CFAP44: variants seen among roughly 807,000 people sequenced by gnomAD.
CFAP44 encodes the protein cilia- and flagella-associated protein 44.
A neutral mutation model predicts 216.2 loss-of-function variants in CFAP44; 134 were observed. The ratio of observed to expected loss-of-function variants is 0.62; its 90% CI spans 0.54 to 0.72. CFAP44 has a LOEUF of 0.72. Among genes scored for constraint, CFAP44 ranks in the 30% least tolerant of loss-of-function variants. CFAP44 has a pLI of 0.00. For synonymous variants in CFAP44, 700 were observed against 727.6 expected, an observed-to-expected ratio of 0.96 and a Z score of 0.61; for missense variants, 2,035 against 2,182.1, an observed-to-expected ratio of 0.93 and a Z score of 1.34.
At chr3:113,316,070 C>A (rs1468657858) in intron 28 of CFAP44, among the ~76,000 whole-genome samples, 1 of 152,110 alleles carries the variant, frequency 6.6e-6, no homozygotes, top group Non-Finnish European at 1.5e-5. Flanking sequence ...TCAACAATTA[C>A]AAAAGAATTG....
At chr3:113,349,862 C>G (rs547218293) in intron 22 of CFAP44, among the ~76,000 whole-genome samples, 2 of 152,158 alleles carry the variant, frequency 1.3e-5, no homozygotes, top group East Asian at 3.8e-4. Context: ...TGTTACCATC[C>G]GAGGAATCCT....
chr3:113,420,595 G>A lies in CFAP44; in HGVS notation c.408-416C>T, dbSNP rs55757335. 2.0e-5 allele frequency among the ~76,000 whole-genome samples: 3 copies of A among 152,128 alleles called. No individual in the cohort carries two copies. The South Asian group carries it at 6.2e-4, about 32-fold the overall frequency. On this transcript the variant is annotated intron_variant, in intron 4 of 34. Coordinates refer to ENST00000393845, the MANE Select transcript of CFAP44 (RefSeq NM_001164496.2). ...TCTCCCACTAAAACTAAATCATACT[G>A]TATAACATGGGAGAAAGTCTGTATC...
chr3:113,332,329 T>C (rs1950247460), intron 25 of CFAP44, among the ~76,000 whole-genome samples: 1 of 152,216 alleles, frequency 6.6e-6, no homozygotes, highest in African/African-American at 2.4e-5. Context: ...TTATGAGTTA[T>C]GAAAATGGAT....
At position 113,330,269 on chromosome 3, in the gene CFAP44, A is replaced by T. The variant is rs996061648; in HGVS notation, c.4015T>A (p.Cys1339Ser). 1.3e-6 allele frequency: 2 copies of T among 1,537,070 alleles called. No individual in the cohort carries two copies. Among genetic ancestry groups the T allele is most frequent in the Non-Finnish European group, 1.7e-6 (2 of 1,146,906 alleles). Residue 1339 changes from cysteine to serine, a missense_variant, in exon 26 of 35, where the codon TGT (cysteine) becomes AGT (serine). Transcript: ENST00000393845. ...ASTFSLDIPK[C>S]LEFEKAEPTD... ...GGCTCTGCTTTTTCAAATTCCAAAC[A>T]CTTTGGTATATCTAGGCTGAATGTT... is the stretch of plus-strand genomic sequence containing the variant.
intron 21 of CFAP44, chr3:113,362,736 G>A: frequency 3.0e-6 from 1 of 338,806 alleles, no homozygotes; most frequent in Non-Finnish European, 5.2e-6. Context: ...TGCAGCAAAA[G>A]ATCAAATCGG....
At chr3:113,434,866 T>C (rs983107773) in intron 1 of CFAP44, 3 of 152,208 alleles carry the variant, frequency 2.0e-5, no homozygotes, top group East Asian at 1.9e-4. Flanking sequence ...TCTCTGAAGA[T>C]AGACTGGTAT....
At chr3:113,315,797 A>G (rs1275784547) in intron 28 of CFAP44, among the ~76,000 whole-genome samples, 1 of 152,254 alleles carries the variant, frequency 6.6e-6, no homozygotes, top group Non-Finnish European at 1.5e-5. Flanking sequence ...ATAGCTGATT[A>G]TAAAATAGGT....
intron 22 of CFAP44, among the ~76,000 whole-genome samples, chr3:113,354,675 C>T (rs1325047350): frequency 6.6e-6 from 1 of 152,184 alleles, no homozygotes; most frequent in Non-Finnish European, 1.5e-5. Context: ...CCTATCCCTG[C>T]CCCCACCTGG....
At chr3:113,439,313 G>C (rs750123683) in intron 1 of CFAP44, among the ~76,000 whole-genome samples, 12 of 152,086 alleles carry the variant, frequency 7.9e-5, no homozygotes, top group Non-Finnish European at 1.8e-4. Context: ...TCTCACGCTT[G>C]TATGCTGGAT....
chr3:113,379,469 G>A lies in CFAP44; in HGVS notation c.2135C>T (p.Ala712Val), dbSNP rs745843246. ...IREERRNKLA[A>V]EMGEDGEKEF... is the part of the protein sequence containing the mutation. ...TTTTTCTCCATCTTCTCCCATCTCT[G>A]CTGCTAGCTTGTTCCTCCTTTCTTC... The change falls in exon 17 of 35, where the codon GCA (alanine) becomes GTA (valine). Residue 712 changes from alanine (A) to valine (V), a missense_variant. Coordinates refer to ENST00000393845, the MANE Select transcript of CFAP44 (RefSeq NM_001164496.2). The A allele has an allele frequency of 6.2e-6, 10 of 1,608,876 alleles. No homozygotes were observed. Among genetic ancestry groups the A allele is most frequent in the Non-Finnish European group, 7.7e-6 (9 of 1,175,960 alleles).
At chr3:113,373,348 T>C in intron 18 of CFAP44, 63 bp downstream of exon 18, 1 of 1,340,320 alleles carries the variant, frequency 7.5e-7, no homozygotes, top group East Asian at 2.8e-5. Flanking sequence ...ATATCCATGA[T>C]GAACAAAAGC....
At chr3:113,401,834 ATTTC>A (rs1382083446) in intron 9 of CFAP44, 95 bp from the exon 10 acceptor site, 1 of 1,319,474 alleles carries the variant, frequency 7.6e-7, no homozygotes, top group Non-Finnish European at 1.0e-6. Context: ...TTCAAAAGTC[ATTTC>A]TTTTTCTTTC....
intron 13 of CFAP44, 35 bp downstream of exon 13, chr3:113,399,871 T>G (rs769802921): frequency 5.7e-6 from 8 of 1,408,832 alleles, no homozygotes; most frequent in Non-Finnish European, 7.8e-6. Flanking sequence ...TATTTACCAA[T>G]AGATTCTGGT....
chr3:113,328,005 T>C (rs565898453), intron 26 of CFAP44, among the ~76,000 whole-genome samples, 186 bp from the exon 27 acceptor site: 2 of 152,244 alleles, frequency 1.3e-5, no homozygotes, highest in South Asian at 2.1e-4. Context: ...AATTAATTTA[T>C]TAAGTGGTAG....
At chr3:113,301,635 T>C (rs900957871) in intron 32 of CFAP44, among the ~76,000 whole-genome samples, 26 of 152,320 alleles carry the variant, frequency 1.7e-4, no homozygotes, top group South Asian at 6.2e-4. Flanking sequence ...CTGAAAATGA[T>C]CTTTTTAAAT....
Position 113,426,495 on chromosome 3 carries a change from G to A in CFAP44, c.254-218C>T, listed in dbSNP as rs563467676. Among the ~76,000 whole-genome samples, 90 of 152,160 alleles carry A rather than the reference G, an allele frequency of 5.9e-4. 2 individuals carry two copies. The South Asian group carries it at 0.017, about 30-fold the overall frequency. On this transcript the variant is annotated intron_variant, in intron 3 of 34. Coordinates refer to ENST00000393845, the MANE Select transcript of CFAP44 (RefSeq NM_001164496.2). The stretch of plus-strand genomic sequence containing the variant: ...TGTATAAGGGACATTTCCCTCCTTC[G>A]CTCTGCACTTCTCCTTCCTGCCATT...
At chr3:113,320,454 A>ATATTGATATATATGATATATATG (rs1394421277) in intron 28 of CFAP44, among the ~76,000 whole-genome samples, 259 of 112,490 alleles carry the variant, frequency 2.3e-3, no homozygotes, top group Non-Finnish European at 4.5e-3. Context: ...GATATATATT[A>ATATTGATATATATGATATATATG]CATCTATATA....
chr3:113,427,643 C>T (rs546040036), intron 2 of CFAP44: 3 of 216,050 alleles, frequency 1.4e-5, no homozygotes, highest in Non-Finnish European at 1.8e-5. Flanking sequence ...CAACTAAATT[C>T]AATTTTACTA....
At chr3:113,311,264 C>A (rs1576541508) in intron 28 of CFAP44, among the ~76,000 whole-genome samples, 1 of 151,912 alleles carries the variant, frequency 6.6e-6, no homozygotes, top group East Asian at 1.9e-4. Context: ...ATACAATAAC[C>A]AAGTGATATG....
Sources: gnomAD v4.1 joint callset for allele counts (sites outside exome capture counted in the v4.1 genomes callset) on GRCh38, gnomAD v4.1.1 for gene constraint, MANE v1.5 for transcripts, NCBI Gene and HGNC (gene_info 2026-07-23, HGNC 2026-07-21) for gene names.